The following NOX4 variants were observed in gnomAD, a reference collection of about 807,000 sequenced individuals.
NOX4 encodes the protein NADPH oxidase 4.
In NOX4, 69 loss-of-function variants were observed where a neutral mutation model predicts 87.6. That is an observed-to-expected ratio of 0.79 (90% CI 0.65 to 0.96). The LOEUF is 0.96. Among genes scored for constraint, NOX4 ranks in the 40% least tolerant of loss-of-function variants. NOX4 has a pLI of 0.00. For synonymous variants in NOX4, 275 were observed against 238.2 expected (o/e 1.15, Z -1.42); for missense variants, 680 against 681.5 (o/e 1.00, Z 0.02).
At chr11:89,538,385 A>G in the NOX4 span, among the ~76,000 whole-genome samples, 1 of 152,188 alleles carries the variant, frequency 6.6e-6, no homozygotes, top group Non-Finnish European at 1.5e-5. Context: ...ATTTCTGACA[A>G]TCTTCTTTAA....
intron 12 of NOX4, among the ~76,000 whole-genome samples, chr11:89,370,799 G>A (rs1272301062): frequency 6.6e-6 from 1 of 151,978 alleles, no homozygotes; most frequent in Non-Finnish European, 1.5e-5. Context: ...CAACAAATAT[G>A]AGACTTGGTG....
At chr11:89,330,534 G>A (rs1945424904) in intron 17 of NOX4, among the ~76,000 whole-genome samples, 1 of 151,620 alleles carries the variant, frequency 6.6e-6, no homozygotes, top group African/African-American at 2.4e-5. Context: ...ATCTTGGATA[G>A]GGCTCAAGAA....
the NOX4 span, among the ~76,000 whole-genome samples, chr11:89,588,504 A>G: frequency 6.6e-6 from 1 of 152,170 alleles, no homozygotes; most frequent in East Asian, 1.9e-4. Flanking sequence ...CCATGCAATA[A>G]TGAATTACTA....
the NOX4 span, among the ~76,000 whole-genome samples, chr11:89,561,050 C>CATATATATAT: frequency 0.036 from 1,039 of 28,480 alleles, 77 homozygotes; most frequent in Non-Finnish European, 0.041. Context: ...ATATATCATA[C>CATATATATAT]ATATATATAT....
At chr11:89,352,048 C>T (rs1262115580) in intron 13 of NOX4, among the ~76,000 whole-genome samples, 1 of 152,034 alleles carries the variant, frequency 6.6e-6, no homozygotes, top group Non-Finnish European at 1.5e-5. Context: ...AAAGTGGGAG[C>T]TAGATGATGT....
chr11:89,548,197 G>A, the NOX4 span: 5 of 152,106 alleles, frequency 3.3e-5, no homozygotes, highest in African/African-American at 1.2e-4. Flanking sequence ...CCAGTGCGAT[G>A]GCATTTAGGA....
chr11:89,517,679 C>G, the NOX4 span, among the ~76,000 whole-genome samples: 674 of 151,446 alleles, frequency 4.5e-3, 4 homozygotes, highest in South Asian at 0.012. Context: ...AACAAAGTTT[C>G]ACTATGTTAC....
At chr11:89,357,982 A>G (rs1938200057) in intron 12 of NOX4, among the ~76,000 whole-genome samples, 1 of 152,132 alleles carries the variant, frequency 6.6e-6, no homozygotes, top group South Asian at 2.1e-4. Context: ...TTATAAAGCT[A>G]TAAGGAAACC....
the NOX4 span, among the ~76,000 whole-genome samples, chr11:89,586,284 A>G: frequency 1.3e-5 from 2 of 152,190 alleles, no homozygotes; most frequent in Non-Finnish European, 2.9e-5. Context: ...TTATAATAGT[A>G]GCAGTCAGAA....
chr11:89,435,954 G>A (rs1465108015), intron 6 of NOX4, among the ~76,000 whole-genome samples: 1 of 152,130 alleles, frequency 6.6e-6, no homozygotes, highest in African/African-American at 2.4e-5. Context: ...TCAGATCAAT[G>A]AAGAAGAACT....
At chr11:89,373,277 C>CAAAAAAAAA (rs144113376) in intron 12 of NOX4, among the ~76,000 whole-genome samples, 155 bp downstream of exon 12, 466 of 58,892 alleles carry the variant, frequency 7.9e-3, no homozygotes, top group African/African-American at 0.012. Flanking sequence ...ACTGTACAAG[C>CAAAAAAAAA]AAAAAAAAAA....
At chr11:89,376,822 C>T (rs1194800843) in intron 11 of NOX4, among the ~76,000 whole-genome samples, 1 of 152,218 alleles carries the variant, frequency 6.6e-6, no homozygotes, top group East Asian at 1.9e-4. Flanking sequence ...GTGGAGGTTG[C>T]AGTGAGCTGA....
At chr11:89,584,685 T>G in the NOX4 span, among the ~76,000 whole-genome samples, 1 of 152,158 alleles carries the variant, frequency 6.6e-6, no homozygotes, top group South Asian at 2.1e-4. Context: ...CCTATTTTCC[T>G]TTGTCCTAAG....
At chr11:89,361,112 G>C (rs925321729) in intron 12 of NOX4, among the ~76,000 whole-genome samples, 1 of 151,876 alleles carries the variant, frequency 6.6e-6, no homozygotes, top group East Asian at 1.9e-4. Flanking sequence ...TCTACCCAAA[G>C]GAAAAGAAGT....
rs148311197 is a variant in NOX4 at position 89,355,017 on chromosome 11, G to A, written c.1162C>T (p.Pro388Ser). ...TERFRDLLLP[P>S]SSQDSEILPF... is the part of the protein sequence containing the mutation. ...AGAATTTCGGAGTCTTGACTAGATG[G>A]AGGCAGTAGTAAATCTCGAAATCGT... The change falls in exon 13 of 18, where the codon CCA (proline) becomes TCA (serine). Residue 388 changes from proline to serine, a missense_variant. Transcript: ENST00000263317. 3.1e-3 allele frequency: 5,031 copies of A among 1,601,346 alleles called. 57 individuals carry two copies. The highest frequency in any genetic ancestry group is 2.0e-3 in the Non-Finnish European group (2,363 of 1,170,494).
intron 17 of NOX4, among the ~76,000 whole-genome samples, chr11:89,331,940 G>A (rs1474035001): frequency 6.6e-6 from 1 of 150,928 alleles, no homozygotes. Context: ...ATTCTACAAG[G>A]AATCTTTGCA....
intron 11 of NOX4, among the ~76,000 whole-genome samples, chr11:89,383,267 A>T (rs1940434021): frequency 6.6e-6 from 1 of 152,216 alleles, no homozygotes; most frequent in African/African-American, 2.4e-5. Context: ...AAGTGCCAGA[A>T]ATCTGGCCAC....
Position 89,434,701 on chromosome 11 carries a change from A to T in NOX4, c.476-1845T>A, listed in dbSNP as rs1409181996. Among the ~76,000 whole-genome samples, 4 of 151,908 alleles carry T rather than the reference A, an allele frequency of 2.6e-5. No individual in the cohort carries two copies. In the East Asian group the frequency reaches 7.7e-4, roughly 29 times the overall value. On this transcript the variant is annotated intron_variant, in intron 6 of 17. Transcript: ENST00000263317. ...TTTTAACAGTCAAAGTCTATAAACG[A>T]CTCTGATATTCATCAACAGATTAAT...
At chr11:89,516,949 G>A in the NOX4 span, among the ~76,000 whole-genome samples, 193 of 151,802 alleles carry the variant, frequency 1.3e-3, no homozygotes, top group Admixed American at 4.1e-3. Context: ...CTCAATGGCA[G>A]TGATGGCTGC....
Sources: gnomAD v4.1 joint callset for allele counts (sites outside exome capture counted in the v4.1 genomes callset) on GRCh38, gnomAD v4.1.1 for gene constraint, MANE v1.5 for transcripts, NCBI Gene and HGNC (gene_info 2026-07-23, HGNC 2026-07-21) for gene names.